RAD54L2: variants seen among roughly 807,000 people sequenced by gnomAD.
RAD54L2 encodes the protein RAD54 like 2.
In RAD54L2, 27 loss-of-function variants were observed where a neutral mutation model predicts 138.4. The ratio of observed to expected loss-of-function variants is 0.20; its 90% CI spans 0.14 to 0.27. The LOEUF (loss-of-function observed/expected upper bound fraction) is 0.27. Ranked by LOEUF, RAD54L2 falls within the 10% of genes least tolerant of loss-of-function variation. The pLI, the probability that RAD54L2 is intolerant of heterozygous loss-of-function variation, is 1.00. For missense variants in RAD54L2, 1,396 were observed against 1,890.2 expected, an observed-to-expected ratio of 0.74 and a Z score of 4.85; for synonymous variants, 644 against 723.2, an observed-to-expected ratio of 0.89 and a Z score of 1.76.
At chr3:51,583,153 T>C (rs1439532373) in intron 2 of RAD54L2, among the ~76,000 whole-genome samples, 1 of 152,148 alleles carries the variant, frequency 6.6e-6, no homozygotes, top group African/African-American at 2.4e-5. Context: ...ACAATAAAAT[T>C]GGAAGAGTAG....
In RAD54L2 at chr3:51,657,669, G is replaced by A; in HGVS notation, c.3316G>A (p.Gly1106Arg). ...ESIHIIRGTKGTYIRTSDGRI... is the reference protein window; with the variant it reads ...ESIHIIRGTKRTYIRTSDGRI... Reference sequence around the variant, plus strand: ...CATCCACATCATCCGTGGGACAAAAGGTAAGAGCCTGACCAAGGACCTGTT... The same window carrying A: ...CATCCACATCATCCGTGGGACAAAAAGTAAGAGCCTGACCAAGGACCTGTT... Residue 1106 changes from glycine to arginine, a missense_variant and splice_region_variant, in exon 21 of 23, where the codon GGG becomes AGG. Physicochemically the swap from Gly to Arg is moderately radical, Grantham distance 125. Around this residue, in one of 7 missense-constraint regions of RAD54L2, gnomAD observed 634 missense variants for 711.2 expected, o/e 0.89. Transcript: ENST00000684192. 2 of 1,557,480 alleles carry A rather than the reference G, an allele frequency of 1.3e-6. No homozygotes were observed. The highest frequency in any genetic ancestry group is 1.7e-6 in the Non-Finnish European group (2 of 1,144,858).
At chr3:51,628,391 T>A (rs9841077) in intron 4 of RAD54L2, among the ~76,000 whole-genome samples, 114,468 of 151,894 alleles carry the variant, frequency 0.75, 44,106 homozygotes, top group Middle Eastern at 0.84. Context: ...TTTCTTAATT[T>A]ATTTATTTAT....
chr3:51,597,325 C>T (rs1482521108), intron 3 of RAD54L2, among the ~76,000 whole-genome samples: 2 of 152,006 alleles, frequency 1.3e-5, no homozygotes, highest in Non-Finnish European at 2.9e-5. Flanking sequence ...AAACTTAGTT[C>T]CTCCATTTGT....
In RAD54L2 at chr3:51,633,561, C is replaced by T. The variant is rs780982167; in HGVS notation, c.826-16C>T. On this transcript the variant is annotated splice_polypyrimidine_tract_variant and intron_variant, in intron 7 of 22. Coordinates refer to ENST00000684192, the MANE Select transcript of RAD54L2 (RefSeq NM_015106.4). ...CTTTGTGAGCCCCTCTGACATTTGT[C>T]TTTGTCCCTTGTCAGATTGGCGGGA... 12 of 1,607,422 alleles carry T rather than the reference C, an allele frequency of 7.5e-6. No individual in the cohort carries two copies. In the South Asian group the frequency reaches 7.7e-5, roughly 10 times the overall value.
intron 2 of RAD54L2, among the ~76,000 whole-genome samples, chr3:51,578,955 G>T (rs114583116): frequency 6.6e-6 from 1 of 152,156 alleles, no homozygotes; most frequent in Non-Finnish European, 1.5e-5. Flanking sequence ...TTTTATTGCT[G>T]ATGAAAGTGG....
At chr3:51,583,873 C>T (rs1357818108) in intron 2 of RAD54L2, among the ~76,000 whole-genome samples, 3 of 149,470 alleles carry the variant, frequency 2.0e-5, no homozygotes, top group African/African-American at 7.4e-5. Context: ...ACTGGGGTAG[C>T]CTCTTGAGCC....
At chr3:51,661,799 ATTATTTG>A (rs1701783570) in intron 22 of RAD54L2, among the ~76,000 whole-genome samples, 1 of 152,062 alleles carries the variant, frequency 6.6e-6, no homozygotes, top group African/African-American at 2.4e-5. Flanking sequence ...CTCCCTTTCT[ATTATTTG>A]AGTCATTCGT....
intron 2 of RAD54L2, among the ~76,000 whole-genome samples, chr3:51,575,743 T>C (rs926941612): frequency 5.9e-5 from 9 of 152,222 alleles, no homozygotes; most frequent in Non-Finnish European, 8.8e-5. Context: ...TAAGGAGATT[T>C]TGGGCTGAGA....
chr3:51,601,791 C>T (rs758526365), intron 3 of RAD54L2, among the ~76,000 whole-genome samples: 1 of 151,524 alleles, frequency 6.6e-6, no homozygotes, highest in Non-Finnish European at 1.5e-5. Flanking sequence ...TTTCATTACT[C>T]AGTAGTATTC....
At chr3:51,610,655 A>C (rs892116750) in intron 3 of RAD54L2, among the ~76,000 whole-genome samples, 9 of 151,996 alleles carry the variant, frequency 5.9e-5, no homozygotes, top group African/African-American at 2.2e-4. Context: ...AAAAAAAAAA[A>C]AACAGAAAGA....
intron 15 of RAD54L2, 111 bp from the exon 16 acceptor site, chr3:51,643,764 G>A: frequency 1.2e-6 from 1 of 830,060 alleles, no homozygotes; most frequent in Non-Finnish European, 2.0e-6. Context: ...TGAGATCTGA[G>A]CACTGTTGTA....
At chr3:51,621,721 T>C (rs181135188) in intron 3 of RAD54L2, among the ~76,000 whole-genome samples, 5 of 152,270 alleles carry the variant, frequency 3.3e-5, no homozygotes, top group Middle Eastern at 3.4e-3. Flanking sequence ...TAAATTTGCT[T>C]GTGAAATAGA....
intron 2 of RAD54L2, among the ~76,000 whole-genome samples, chr3:51,546,888 A>G (rs1197903610): frequency 2.7e-5 from 4 of 149,468 alleles, no homozygotes; most frequent in Non-Finnish European, 4.5e-5. Context: ...AATTAGCTGG[A>G]TGTGGTGGTG....
At chr3:51,567,407 A>C (rs1391878688) in intron 2 of RAD54L2, among the ~76,000 whole-genome samples, 1 of 152,172 alleles carries the variant, frequency 6.6e-6, no homozygotes, top group African/African-American at 2.4e-5. Flanking sequence ...GGTTTCTACC[A>C]GTTATTCAAG....
At chr3:51,542,755 G>A (rs559099286) in intron 2 of RAD54L2, among the ~76,000 whole-genome samples, 171 of 152,266 alleles carry the variant, frequency 1.1e-3, no homozygotes, top group African/African-American at 4.0e-3. Flanking sequence ...GAGCCACCGC[G>A]CCTGGCCAAG....
chr3:51,643,967 T>G lies in RAD54L2; in HGVS notation c.2443T>G (p.Ser815Ala). 6.3e-7 allele frequency: 1 copy of G among 1,598,262 alleles called. No individual in the cohort carries two copies. Among genetic ancestry groups the G allele is most frequent in the Non-Finnish European group, 8.5e-7 (1 of 1,171,694 alleles). Residue 815 changes from serine (S) to alanine (A), a missense_variant, in exon 16 of 23, where the codon TCT (serine) becomes GCT (alanine). Physicochemically the swap from Ser to Ala is moderately conservative, Grantham distance 99. Transcript: ENST00000684192. ...CCTCACCACCTGGCTGTTCCTTCTC[T>G]CTACAAGGTGAGTGGATCCCAAGAG... ...SNLTTWLFLL[S>A]TRAGCLGVNL...
At chr3:51,654,121 C>T (rs995096282) in intron 19 of RAD54L2, among the ~76,000 whole-genome samples, 1 of 147,940 alleles carries the variant, frequency 6.8e-6, no homozygotes, top group Non-Finnish European at 1.5e-5. Context: ...GATCTCGGCT[C>T]ACTGCAACCT....
chr3:51,633,935 A>C lies in RAD54L2; in HGVS notation c.1042A>C (p.Asn348His). ...TCTTCAGAATTGGCTGGCAGAGTTC[A>C]ACATGTGGCTTCCACCTCCTGAAGC... ...NTLQNWLAEF[N>H]MWLPPPEALP... Residue 348 changes from asparagine (N) to histidine (H), a missense_variant, in exon 9 of 23, where the codon AAC (asparagine) becomes CAC (histidine). Physicochemically the swap from Asn to His is moderately conservative, Grantham distance 68. Transcript: ENST00000684192. 6.2e-7 allele frequency: 1 copy of C among 1,614,008 alleles called. No individual in the cohort carries two copies. Among genetic ancestry groups the C allele is most frequent in the Non-Finnish European group, 8.5e-7 (1 of 1,179,884 alleles).
intron 3 of RAD54L2, among the ~76,000 whole-genome samples, chr3:51,602,384 G>A (rs1700098800): frequency 6.6e-6 from 1 of 152,178 alleles, no homozygotes; most frequent in Non-Finnish European, 1.5e-5. Flanking sequence ...TTATCATTCA[G>A]TGAATAAGGT....
Sources: gnomAD v4.1 joint callset for allele counts (sites outside exome capture counted in the v4.1 genomes callset) on GRCh38, gnomAD v4.1.1 for gene constraint, gnomAD v4.1.1 regional missense constraint, MANE v1.5 for transcripts, NCBI Gene and HGNC (gene_info 2026-07-23, HGNC 2026-07-21) for gene names.